Variants in PDXDC1 observed in about 807,000 individuals in gnomAD.
The protein encoded by PDXDC1 is pyridoxal dependent decarboxylase domain containing 1.
Under a neutral mutation model 100.1 loss-of-function variants are expected in PDXDC1, and 42 were observed. That is an observed-to-expected ratio of 0.42 (90% CI 0.33 to 0.54). The LOEUF is 0.54. Among genes scored for constraint, PDXDC1 ranks in the 20% least tolerant of loss-of-function variants. The probability of loss-of-function intolerance (pLI) is 0.10; values close to 1 mark genes in which losing one functional copy is unlikely to be tolerated. For missense variants in PDXDC1, 636 were observed against 979.2 expected (o/e 0.65, Z 4.68); for synonymous variants, 260 against 371.7 (o/e 0.70, Z 3.46).
rs1226526314 is a variant in PDXDC1 at position 15,029,997 on chromosome 16, T to C, written c.1340T>C (p.Val447Ala). ...CTGGTGCCTGCAAGCGGCCTCACAG[T>C]CATGGATCTGGAAGCTGAGGGCACG... is the stretch of plus-strand genomic sequence containing the variant. ...KQLVPASGLT[V>A]MDLEAEGTCL... The change falls in exon 16 of 23, where the codon GTC (valine) becomes GCC (alanine). Residue 447 changes from valine to alanine, a missense_variant. Val to Ala is a moderately conservative substitution (Grantham distance 64). Around this residue, in one of 4 missense-constraint regions of PDXDC1, gnomAD observed 15 missense variants for 49.6 expected, o/e 0.30. Transcript: ENST00000396410. The C allele has an allele frequency of 1.9e-6, 3 of 1,555,812 alleles. No homozygotes were observed. In the East Asian group the frequency reaches 7.3e-5, roughly 38 times the overall value.
chr16:14,993,594 A>G (rs1971337129), intron 1 of PDXDC1, among the ~76,000 whole-genome samples: 1 of 152,298 alleles, frequency 6.6e-6, no homozygotes, highest in Non-Finnish European at 1.5e-5. Context: ...ATAGTGCCAC[A>G]ATAAACATAC....
At chr16:15,071,941 C>T (rs1300092343) in intron 16 of PDXDC1, among the ~76,000 whole-genome samples, 2 of 152,160 alleles carry the variant, frequency 1.3e-5, no homozygotes, top group East Asian at 3.8e-4. Context: ...CACATGGGCA[C>T]TCCTGTGAGT....
At position 14,997,105 on chromosome 16, in the gene PDXDC1, G is replaced by A. The variant is rs560104793; in HGVS notation, c.22-648G>A. Among the ~76,000 whole-genome samples the A allele has an allele frequency of 5.9e-5, 9 of 152,284 alleles. No individual in the cohort carries two copies. The East Asian group carries it at 1.7e-3, about 29-fold the overall frequency. ...AGGTGGTACCAAGTGAAGAAGGGTA[G>A]GGTCCTTGGTTTTGGCCTCACCTGG... On this transcript the variant is annotated intron_variant, in intron 1 of 22. Coordinates refer to ENST00000396410, the MANE Select transcript of PDXDC1 (RefSeq NM_015027.4).
chr16:15,016,753 A>C (rs2041825546), intron 9 of PDXDC1, among the ~76,000 whole-genome samples: 2 of 152,418 alleles, frequency 1.3e-5, no homozygotes, highest in South Asian at 4.1e-4. Context: ...AGGGCCATTA[A>C]GAGAAGCAGG....
chr16:15,123,108 G>A (rs902215468), intron 16 of PDXDC1, among the ~76,000 whole-genome samples: 34 of 149,904 alleles, frequency 2.3e-4, no homozygotes, highest in Non-Finnish European at 4.2e-4. Context: ...AACCTTCTTC[G>A]GTCTGGGCCC....
intron 16 of PDXDC1, among the ~76,000 whole-genome samples, chr16:15,085,417 C>G (rs938144782): frequency 6.6e-6 from 1 of 152,082 alleles, no homozygotes; most frequent in African/African-American, 2.4e-5. Flanking sequence ...TCCCAGGTAG[C>G]TGTGACTAAA....
At chr16:15,103,334 GTCAA>G (rs1241579285) in intron 16 of PDXDC1, 340 of 599,146 alleles carry the variant, frequency 5.7e-4, no homozygotes, top group Middle Eastern at 9.0e-4. Context: ...CTGGCAGTGC[GTCAA>G]TCAGAGCGTC....
intron 16 of PDXDC1, among the ~76,000 whole-genome samples, chr16:15,051,409 G>A (rs535275008): frequency 3.3e-5 from 5 of 152,328 alleles, no homozygotes; most frequent in African/African-American, 1.2e-4. Context: ...CTGGAGTGCA[G>A]CGGCGAGATC....
At chr16:15,016,666 C>A (rs2041819093) in intron 9 of PDXDC1, among the ~76,000 whole-genome samples, 1 of 152,284 alleles carries the variant, frequency 6.6e-6, no homozygotes, top group Admixed American at 6.5e-5. Context: ...TCCTCTGGAG[C>A]AGATAGTGGT....
chr16:14,978,894 T>C (rs1414195988), intron 1 of PDXDC1, among the ~76,000 whole-genome samples: 4 of 152,296 alleles, frequency 2.6e-5, no homozygotes, highest in Admixed American at 6.5e-5. Flanking sequence ...TTTGCTGTTA[T>C]GGGGGCTGGC....
chr16:15,010,874 T>C (rs2041203540), intron 8 of PDXDC1, among the ~76,000 whole-genome samples: 1 of 152,288 alleles, frequency 6.6e-6, no homozygotes, highest in East Asian at 1.9e-4. Context: ...TATGGATAAA[T>C]TTAACAAAAT....
intron 16 of PDXDC1, among the ~76,000 whole-genome samples, chr16:15,093,427 T>C (rs969924267): frequency 2.0e-5 from 3 of 152,210 alleles, no homozygotes; most frequent in African/African-American, 7.2e-5. Flanking sequence ...GAAATCATCG[T>C]GTTCGTTTAT....
rs529727440 is a variant in PDXDC1 at position 15,021,290 on chromosome 16, T to C, written c.1090-1414T>C. Among the ~76,000 whole-genome samples the C allele has an allele frequency of 3.3e-5, 5 of 152,208 alleles. No homozygotes were observed. The East Asian group carries it at 9.8e-4, about 30-fold the overall frequency. ...TACTCAGGAGGCTGAGGTGGGAAGA[T>C]CACTTGAGCCCAGGAGGTCAAGGTT... On this transcript the variant is annotated intron_variant, in intron 12 of 22. Coordinates refer to ENST00000396410, the MANE Select transcript of PDXDC1 (RefSeq NM_015027.4).
In PDXDC1 at chr16:15,128,136, C is replaced by G. The variant is rs746016851; in HGVS notation, c.1400-10743C>G. On this transcript the variant is annotated intron_variant, in intron 16 of 16. Coordinates refer to the PDXDC1 transcript ENST00000535621. The stretch of plus-strand genomic sequence containing the variant: ...TGCAGGAACCAGGCAGGGCTGAGCC[C>G]TGCAGAGGCGCGGGAGGGAGGTCAG... The G allele has an allele frequency of 2.5e-6, 4 of 1,610,206 alleles. No individual in the cohort carries two copies. In the South Asian group the frequency reaches 3.3e-5, roughly 13 times the overall value.
intron 3 of PDXDC1, among the ~76,000 whole-genome samples, chr16:14,999,573 T>C (rs1486081894): frequency 6.6e-6 from 1 of 152,236 alleles, no homozygotes; most frequent in Non-Finnish European, 1.5e-5. Flanking sequence ...AAATTCATCA[T>C]TATAACTGGT....
At chr16:15,013,617 C>T (rs1209653699) in intron 8 of PDXDC1, among the ~76,000 whole-genome samples, 1 of 152,272 alleles carries the variant, frequency 6.6e-6, no homozygotes, top group East Asian at 1.9e-4. Context: ...GAGCTCATGC[C>T]TGTAGTCCCA....
rs2043177898 is a variant in PDXDC1, at chr16:15,033,287, A to G, written c.1700A>G (p.Tyr567Cys). 6.2e-7 allele frequency: 1 copy of G among 1,614,090 alleles called. No homozygotes were observed. The highest frequency in any genetic ancestry group is 1.3e-5 in the African/African-American group (1 of 74,940). ...CTCGTTACCTTTGCAGGCCCTGAGTATAAGAGCATGAAGAGCTGCCTTTAT... is the reference window on the plus strand; with the variant it reads ...CTCGTTACCTTTGCAGGCCCTGAGTGTAAGAGCATGAAGAGCTGCCTTTAT... Reference protein sequence around the residue: ...SDLTFKIGPEYKSMKSCLYVG... With the variant: ...SDLTFKIGPECKSMKSCLYVG... Residue 567 changes from tyrosine to cysteine, a missense_variant, in exon 19 of 23, where the codon TAT (tyrosine) becomes TGT (cysteine). Coordinates refer to ENST00000396410, the MANE Select transcript of PDXDC1 (RefSeq NM_015027.4).
chr16:15,036,536 A>C lies in PDXDC1; in HGVS notation c.*261A>C. 2.0e-6 allele frequency: 1 copy of C among 503,834 alleles called. No individual in the cohort carries two copies. The highest frequency in any genetic ancestry group is 3.5e-6 in the Non-Finnish European group (1 of 285,840). The allele number at this position is 503,834 out of a possible 1,614,324, so 31.2% of individuals were successfully genotyped here. ...CCATAAACACATTTTATTCACAAAA[A>C]ACACTTCGAATTTCAAGTGTCTACC... On this transcript the variant is annotated 3_prime_UTR_variant, in exon 23 of 23. Coordinates refer to ENST00000396410, the MANE Select transcript of PDXDC1 (RefSeq NM_015027.4).
At position 15,037,970 on chromosome 16, in the gene PDXDC1, T is replaced by A; in HGVS notation, c.*1695T>A. ...GATGTAGGATCCAGATCTGGATTCGTGCCAGCCCCACCAATGGTCTGTCAG... is the reference window on the plus strand; with the variant it reads ...GATGTAGGATCCAGATCTGGATTCGAGCCAGCCCCACCAATGGTCTGTCAG... On this transcript the variant is annotated 3_prime_UTR_variant, in exon 23 of 23. Transcript: ENST00000396410. 1 of 1,290,650 alleles carries A rather than the reference T, an allele frequency of 7.7e-7. No homozygotes were observed. The highest frequency in any genetic ancestry group is 1.1e-6 in the Non-Finnish European group (1 of 902,696). The allele number at this position is 1,290,650 out of a possible 1,614,324, so 79.9% of individuals were successfully genotyped here.
Sources: gnomAD v4.1 joint callset for allele counts (sites outside exome capture counted in the v4.1 genomes callset) on GRCh38, gnomAD v4.1.1 for gene constraint, gnomAD v4.1.1 regional missense constraint, MANE v1.5 for transcripts, NCBI Gene and HGNC (gene_info 2026-07-23, HGNC 2026-07-21) for gene names.